The following SLCO1A2 variants were observed in gnomAD, a reference collection of about 807,000 sequenced individuals.
SLCO1A2 encodes solute carrier organic anion transporter family member 1A2, also known as OATP-1.
A neutral mutation model predicts 69.0 loss-of-function variants in SLCO1A2; 67 were observed. The observed-to-expected ratio is 0.97, with a 90% CI of 0.80 to 1.19. The LOEUF is 1.19. SLCO1A2 is among the 50% of genes most tolerant of loss of function. SLCO1A2 has a pLI of 0.00. For synonymous variants in SLCO1A2, 260 were observed against 265.9 expected (o/e 0.98, Z 0.22); for missense variants, 787 against 793.7 (o/e 0.99, Z 0.10).
chr12:21,379,093 AGTAATT>A (rs1234535012), intron 1 of SLCO1A2: 1 of 152,216 alleles, frequency 6.6e-6, no homozygotes, highest in African/African-American at 2.4e-5. Flanking sequence ...AAAGAAAATT[AGTAATT>A]GTAAGTACCC....
At chr12:21,325,771 C>T (rs1481238170) in intron 2 of SLCO1A2, among the ~76,000 whole-genome samples, 2 of 152,134 alleles carry the variant, frequency 1.3e-5, no homozygotes, top group African/African-American at 2.4e-5. Context: ...ATTTTAATCA[C>T]CCTCTGGGGT....
intron 1 of SLCO1A2, among the ~76,000 whole-genome samples, chr12:21,383,563 C>G (rs1481996433): frequency 1.3e-5 from 2 of 152,086 alleles, no homozygotes; most frequent in Admixed American, 6.6e-5. Flanking sequence ...CCACACTGTC[C>G]ATGGAGCCTA....
intron 12 of SLCO1A2, among the ~76,000 whole-genome samples, chr12:21,289,757 A>G (rs1000476612): frequency 8.1e-6 from 1 of 124,212 alleles, no homozygotes; most frequent in Non-Finnish European, 2.0e-5. Context: ...CCAGGGTAAA[A>G]AAAAAAAAAA....
At chr12:21,414,560 T>A (rs762925918) in intron 1 of SLCO1A2, among the ~76,000 whole-genome samples, 4 of 152,140 alleles carry the variant, frequency 2.6e-5, no homozygotes, top group Admixed American at 1.3e-4. Flanking sequence ...TTATCAAACT[T>A]ATTTTATTGC....
chr12:21,274,394 A>C (rs1943417285), intron 14 of SLCO1A2, 75 bp downstream of exon 14: 1 of 905,718 alleles, frequency 1.1e-6, no homozygotes, highest in Non-Finnish European at 1.8e-6. Context: ...ACAAAGAAAA[A>C]GTTACGTGTG....
intron 2 of SLCO1A2, among the ~76,000 whole-genome samples, chr12:21,343,878 C>T (rs906010322): frequency 6.6e-6 from 1 of 152,082 alleles, no homozygotes; most frequent in Non-Finnish European, 1.5e-5. Flanking sequence ...TTTCAAATCA[C>T]ACCCACTAGA....
intron 1 of SLCO1A2, among the ~76,000 whole-genome samples, chr12:21,380,523 C>T (rs1374065938): frequency 6.6e-6 from 1 of 152,116 alleles, no homozygotes; most frequent in African/African-American, 2.4e-5. Context: ...AACATTTAAA[C>T]AAATTCAGCA....
Position 21,297,461 on chromosome 12 carries a change from G to A in SLCO1A2, c.1018C>T (p.Pro340Ser). ...NAFVNMISFM[P>S]KYLEQQYGIS... ...CCATATTGCTGTTCTAGGTATTTAGGCATGAAGGAGATCATGTTAACGAAT... is the reference window on the plus strand; with the variant it reads ...CCATATTGCTGTTCTAGGTATTTAGACATGAAGGAGATCATGTTAACGAAT... Residue 340 changes from proline (P) to serine (S), a missense_variant, in exon 9 of 15, where the codon CCT (proline) becomes TCT (serine). By Grantham distance (74) the Pro-to-Ser change is moderately conservative. Coordinates refer to ENST00000683939, the MANE Select transcript of SLCO1A2 (RefSeq NM_001386879.1). The A allele has an allele frequency of 6.2e-7, 1 of 1,612,432 alleles. No individual in the cohort carries two copies. Among genetic ancestry groups the A allele is most frequent in the East Asian group, 2.2e-5 (1 of 44,836 alleles).
chr12:21,405,148 G>A (rs549203506), intron 1 of SLCO1A2, among the ~76,000 whole-genome samples: 1 of 148,154 alleles, frequency 6.7e-6, no homozygotes, highest in Non-Finnish European at 1.5e-5. Flanking sequence ...TGCATAGATT[G>A]CAAAAATTTT....
At position 21,373,223 on chromosome 12, in the gene SLCO1A2, T is replaced by C. The variant is rs1405180914; in HGVS notation, c.-63+1176A>G. The C allele has an allele frequency of 4.1e-6, 3 of 729,472 alleles. No individual in the cohort carries two copies. In the African/African-American group the frequency reaches 5.3e-5, roughly 13 times the overall value. 45.2% of individuals were successfully genotyped at this position (729,472 alleles called of 1,614,324 possible). ...CTGTATCAATAAAAATTTTGATCCT[T>C]GTAAATTACGTTTTAAAAAGATGTT... is the stretch of plus-strand genomic sequence containing the variant. On this transcript the variant is annotated intron_variant, in intron 2 of 15. Transcript: ENST00000307378.
upstream of SLCO1A2, among the ~76,000 whole-genome samples, chr12:21,400,115 G>A (rs1405418307): frequency 1.6e-4 from 24 of 152,050 alleles, no homozygotes; most frequent in South Asian, 1.0e-3. Context: ...GGAAATTTTC[G>A]CAACCTACTC....
intron 12 of SLCO1A2, among the ~76,000 whole-genome samples, chr12:21,286,967 A>C (rs1454382874): frequency 2.2e-3 from 327 of 150,510 alleles, no homozygotes; most frequent in African/African-American, 7.5e-3. Flanking sequence ...CTTCATGTCC[A>C]AAACACCAAA....
At chr12:21,357,358 AAACC>A (rs1938451160) in intron 2 of SLCO1A2, among the ~76,000 whole-genome samples, 1 of 152,200 alleles carries the variant, frequency 6.6e-6, no homozygotes, top group African/African-American at 2.4e-5. Flanking sequence ...CTGCTTCTCC[AAACC>A]AACAAGATTG....
At chr12:21,387,638 A>G (rs1940946780) in intron 1 of SLCO1A2, among the ~76,000 whole-genome samples, 1 of 152,218 alleles carries the variant, frequency 6.6e-6, no homozygotes. Flanking sequence ...ATGTCCAGGC[A>G]GAGGTTTGTT....
At chr12:21,320,706 C>T (rs976895749) in intron 2 of SLCO1A2, among the ~76,000 whole-genome samples, 3 of 152,060 alleles carry the variant, frequency 2.0e-5, no homozygotes, top group African/African-American at 7.2e-5. Flanking sequence ...ACCATGTTGG[C>T]CAGGCTGGTC....
intron 2 of SLCO1A2, among the ~76,000 whole-genome samples, chr12:21,368,499 G>A (rs993972002): frequency 2.5e-4 from 38 of 152,034 alleles, no homozygotes; most frequent in Admixed American, 9.8e-4. Context: ...ACTGGAAAAC[G>A]TGAATGCTGA....
At chr12:21,313,715 A>T (rs1950501800) in intron 4 of SLCO1A2, among the ~76,000 whole-genome samples, 1 of 152,000 alleles carries the variant, frequency 6.6e-6, no homozygotes, top group African/African-American at 2.4e-5. Flanking sequence ...AGACTGTCTC[A>T]ACAAAAATAA....
At position 21,353,745 on chromosome 12, in the gene SLCO1A2, A is replaced by C. The variant is rs116712409; in HGVS notation, c.-62-19036T>G. On this transcript the variant is annotated intron_variant, in intron 2 of 15. Transcript: ENST00000307378. ...GTGTGGATACTGCTTCAGGTGATGA[A>C]AGGGACATTGCTGACAAGTCAGTAG... Among the ~76,000 whole-genome samples the C allele has an allele frequency of 4.2e-3, 636 of 152,298 alleles. 10 individuals are homozygous for C. Among genetic ancestry groups the C allele is most frequent in the African/African-American group, 0.015 (619 of 41,566 alleles).
chr12:21,373,115 T>C, intron 2 of SLCO1A2: 1 of 556,876 alleles, frequency 1.8e-6, no homozygotes, highest in Non-Finnish European at 3.2e-6. Context: ...TGTATTACAA[T>C]ATAAATGTTC....
Sources: allele counts gnomAD v4.1 joint callset (sites outside exome capture counted in the v4.1 genomes callset), GRCh38; gene constraint gnomAD v4.1.1; transcripts MANE v1.5; gene names NCBI Gene and HGNC (gene_info 2026-07-23, HGNC 2026-07-21).